The following TBC1D1 variants were observed in gnomAD, a reference collection of about 807,000 sequenced individuals.
TBC1D1 encodes the protein TBC1 (tre-2/USP6, BUB2, cdc16) domain family, member 1.
A neutral mutation model predicts 125.6 loss-of-function variants in TBC1D1; 89 were observed. The ratio of observed to expected loss-of-function variants is 0.71; its 90% confidence interval spans 0.60 to 0.85. The LOEUF (loss-of-function observed/expected upper bound fraction) is 0.85, where lower values mean the gene tolerates loss of function less well. TBC1D1 is among the 40% of genes least tolerant of loss of function. TBC1D1 has a pLI of 0.00. For synonymous variants in TBC1D1, 565 were observed against 564.1 expected, an observed-to-expected ratio of 1.00 and a Z score of -0.02; for missense variants, 1,377 against 1,469.2, an observed-to-expected ratio of 0.94 and a Z score of 1.03.
At chr4:38,011,917 T>C (rs1231469585) in intron 2 of TBC1D1, among the ~76,000 whole-genome samples, 2 of 152,252 alleles carry the variant, frequency 1.3e-5, no homozygotes, top group Non-Finnish European at 2.9e-5. Context: ...TTTTTGTTTG[T>C]ACCATTTACT....
intron 14 of TBC1D1, 64 bp downstream of exon 16, chr4:38,096,154 G>A: frequency 1.4e-6 from 2 of 1,420,412 alleles, no homozygotes; most frequent in Non-Finnish European, 1.9e-6. Flanking sequence ...GAGAAGTGTG[G>A]AATTAAAAAA....
intron 2 of TBC1D1, among the ~76,000 whole-genome samples, chr4:37,912,338 A>G (rs1718801781): frequency 1.3e-5 from 2 of 152,330 alleles, no homozygotes; most frequent in Non-Finnish European, 2.9e-5. Context: ...GATTGAATGT[A>G]TGCTGTAAGT....
At chr4:38,066,490 C>T (rs1423010899) in intron 12 of TBC1D1, among the ~76,000 whole-genome samples, 3 of 151,998 alleles carry the variant, frequency 2.0e-5, no homozygotes, top group Non-Finnish European at 4.4e-5. Flanking sequence ...CATCACCACG[C>T]CCTGCTAAAT....
chr4:38,117,920 A>C, intron 16 of TBC1D1, 113 bp from the exon 19 acceptor site: 1 of 960,612 alleles, frequency 1.0e-6, no homozygotes, highest in South Asian at 1.6e-5. Context: ...AGCCAAATCG[A>C]ATGTTTAAAG....
rs947203192 is a variant in TBC1D1, at chr4:37,921,502, G to T, written c.417+18990G>T. ...GCTCACTGCAACCTCCACCTCCCAG[G>T]TTCAAGCAATTCTTCTACCTCAGCC... On this transcript the variant is annotated intron_variant, in intron 2 of 19. Coordinates refer to ENST00000261439, the MANE Select transcript of TBC1D1 (RefSeq NM_015173.4). 4.0e-5 allele frequency among the ~76,000 whole-genome samples: 6 copies of T among 151,436 alleles called. No individual in the cohort carries two copies. The South Asian group carries it at 1.3e-3, about 32-fold the overall frequency.
At chr4:37,914,613 C>G (rs1346396709) in intron 2 of TBC1D1, among the ~76,000 whole-genome samples, 1 of 152,186 alleles carries the variant, frequency 6.6e-6, no homozygotes, top group East Asian at 1.9e-4. Flanking sequence ...CTTCTAAAAC[C>G]CAATGAAATC....
chr4:38,052,038 A>G, intron 11 of TBC1D1: 1 of 1,551,064 alleles, frequency 6.4e-7, no homozygotes, highest in Non-Finnish European at 8.7e-7. Flanking sequence ...TGGAGAACAA[A>G]GTGGGAATGC....
At chr4:38,032,076 T>C (rs914785222) in intron 7 of TBC1D1, among the ~76,000 whole-genome samples, 4 of 152,188 alleles carry the variant, frequency 2.6e-5, no homozygotes, top group Non-Finnish European at 4.4e-5. Flanking sequence ...TCCAGCACTT[T>C]GGGAGGCCAA....
At chr4:38,018,472 T>C (rs200354570) in intron 4 of TBC1D1, 29 bp downstream of exon 4, 2 of 1,358,696 alleles carry the variant, frequency 1.5e-6, no homozygotes, top group African/African-American at 1.5e-5. Context: ...TTTTATTCAA[T>C]TGCAATGGAA....
rs560268709 is a variant in TBC1D1, at chr4:38,094,648, T to C, written c.2237-1281T>C. On this transcript the variant is annotated intron_variant, in intron 13 of 19. Coordinates refer to ENST00000261439, the MANE Select transcript of TBC1D1 (RefSeq NM_015173.4). The stretch of plus-strand genomic sequence containing the variant: ...AATCTTCTGGCCAGTTCTTTCTGGC[T>C]GTGTGAAGTTGTGTCGACTACAGAG... Among the ~76,000 whole-genome samples, 27 of 152,318 alleles carry C rather than the reference T, an allele frequency of 1.8e-4. No homozygotes were observed. In the South Asian group the frequency reaches 4.6e-3, roughly 26 times the overall value.
Position 38,095,956 on chromosome 4 carries a change from G to A in TBC1D1, c.2264G>A (p.Arg755His), listed in dbSNP as rs745544107. 25 of 1,613,562 alleles carry A rather than the reference G, an allele frequency of 1.5e-5. No homozygotes were observed. The highest frequency in any genetic ancestry group is 1.6e-4 in the Middle Eastern group (1 of 6,080). ...TCTGAAAATGATTTGCTGAACAAGCGCCTGAAGCTCGATTATGAAGAAATT... is the reference window on the plus strand; with the variant it reads ...TCTGAAAATGATTTGCTGAACAAGCACCTGAAGCTCGATTATGAAGAAATT... The change falls in exon 14 of 20, where the codon CGC becomes CAC. Residue 755 changes from arginine to histidine, a missense_variant. By Grantham distance (29) the Arg-to-His change is conservative (BLOSUM62 0). Transcript: ENST00000261439.
At chr4:37,918,500 T>C (rs570945574) in intron 2 of TBC1D1, among the ~76,000 whole-genome samples, 223 of 151,214 alleles carry the variant, frequency 1.5e-3, no homozygotes, top group African/African-American at 5.3e-3. Flanking sequence ...CAGGCTGGGG[T>C]GCAGTGGCAC....
intron 15 of TBC1D1, among the ~76,000 whole-genome samples, chr4:38,105,037 G>A (rs1216658880): frequency 6.6e-6 from 1 of 152,134 alleles, no homozygotes; most frequent in Non-Finnish European, 1.5e-5. Context: ...TTACAGGCGT[G>A]AGCCACCACA....
chr4:37,992,574 A>G (rs545246351), intron 2 of TBC1D1, among the ~76,000 whole-genome samples: 296 of 147,300 alleles, frequency 2.0e-3, no homozygotes, highest in Non-Finnish European at 3.2e-3. Flanking sequence ...GGCTCACTGC[A>G]AGCTCCGCCT....
intron 19 of TBC1D1, among the ~76,000 whole-genome samples, chr4:38,136,435 G>A (rs1232802718): frequency 2.0e-5 from 3 of 152,066 alleles, no homozygotes; most frequent in African/African-American, 7.2e-5. Context: ...TGTGTTCCGG[G>A]GTAAATGCCT....
chr4:37,901,574 T>C (rs565382825), intron 1 of TBC1D1, among the ~76,000 whole-genome samples: 1 of 125,422 alleles, frequency 8.0e-6, no homozygotes, highest in East Asian at 2.3e-4. Context: ...ACTGAAGACA[T>C]GTTAATGGAA....
chr4:38,080,964 C>G (rs940057165), intron 12 of TBC1D1, among the ~76,000 whole-genome samples: 1 of 152,162 alleles, frequency 6.6e-6, no homozygotes, highest in Non-Finnish European at 1.5e-5. Flanking sequence ...TGTCAGATAT[C>G]TATATATGAA....
chr4:38,086,967 CTGACCCT>C (rs1346921071), intron 12 of TBC1D1, among the ~76,000 whole-genome samples: 6 of 152,150 alleles, frequency 3.9e-5, no homozygotes, highest in Non-Finnish European at 5.9e-5. Context: ...TATTATGGCT[CTGACCCT>C]TACTAGCTGT....
chr4:37,978,468 ATTAGGTGGTGGTTATGTCTTGAG>A (rs1341716395), intron 2 of TBC1D1, among the ~76,000 whole-genome samples: 1 of 152,188 alleles, frequency 6.6e-6, no homozygotes, highest in African/African-American at 2.4e-5. Context: ...TAATAATTTA[ATTAGGTGGTGGTTATGTCTTGAG>A]TTATCATGCA....
Sources: gnomAD v4.1 joint callset for allele counts (sites outside exome capture counted in the v4.1 genomes callset) on GRCh38, gnomAD v4.1.1 for gene constraint, MANE v1.5 for transcripts, NCBI Gene and HGNC (gene_info 2026-07-23, HGNC 2026-07-21) for gene names.